LRGUK: variants seen among roughly 807,000 people sequenced by gnomAD.
LRGUK encodes leucine rich repeats and guanylate kinase domain containing, also known as leucine-rich repeat and guanylate kinase domain-containing protein.
A neutral mutation model predicts 76.0 loss-of-function variants in LRGUK; 65 were observed. That is an observed-to-expected ratio of 0.85 (90% confidence interval 0.70 to 1.05). LRGUK has a LOEUF of 1.05. Ranked by LOEUF, LRGUK falls within the 50% of genes least tolerant of loss-of-function variation. LRGUK has a pLI of 0.00. For synonymous variants in LRGUK, 268 were observed against 265.6 expected, an observed-to-expected ratio of 1.01 and a Z score of -0.09; for missense variants, 758 against 732.8, an observed-to-expected ratio of 1.03 and a Z score of -0.40.
Position 134,167,346 on chromosome 7 carries a change from G to A in LRGUK, c.939+3806G>A, listed in dbSNP as rs555847633. Reference sequence around the variant, plus strand: ...ACAATTTTTGAACTCTCAGACCAAGGTGAATGTGACTTTCCCCTTTGCCCC... The same window carrying A: ...ACAATTTTTGAACTCTCAGACCAAGATGAATGTGACTTTCCCCTTTGCCCC... On this transcript the variant is annotated intron_variant, in intron 7 of 15. Transcript: ENST00000645682. 2.0e-5 allele frequency among the ~76,000 whole-genome samples: 3 copies of A among 152,278 alleles called. No individual in the cohort carries two copies. The South Asian group carries it at 6.2e-4, about 32-fold the overall frequency.
intron 18 of LRGUK, among the ~76,000 whole-genome samples, chr7:134,250,281 A>T (rs951350446): frequency 1.3e-5 from 2 of 152,180 alleles, no homozygotes; most frequent in African/African-American, 4.8e-5. Context: ...ATCCTAAAAA[A>T]CTATTAAAAA....
chr7:134,255,219 CTCA>C (rs1802545506), intron 18 of LRGUK, among the ~76,000 whole-genome samples: 1 of 125,718 alleles, frequency 8.0e-6, no homozygotes, highest in African/African-American at 3.1e-5. Flanking sequence ...CATATGTTAT[CTCA>C]ACACACACAC....
chr7:134,200,936 G>T (rs2117090059), intron 14 of LRGUK, among the ~76,000 whole-genome samples: 1 of 152,254 alleles, frequency 6.6e-6, no homozygotes, highest in South Asian at 2.1e-4. Context: ...TGGCAGGATG[G>T]AGTTTCTTTT....
At chr7:134,188,472 G>C (rs930392919) in intron 11 of LRGUK, among the ~76,000 whole-genome samples, 5 of 152,114 alleles carry the variant, frequency 3.3e-5, no homozygotes, top group African/African-American at 1.2e-4. Context: ...CTTAGGGAAG[G>C]AAGTCTGGAG....
chr7:134,146,301 C>A (rs1280938722), intron 4 of LRGUK, among the ~76,000 whole-genome samples: 3 of 151,842 alleles, frequency 2.0e-5, no homozygotes, highest in Non-Finnish European at 2.9e-5. Context: ...AATACCATAG[C>A]TACATAGAGA....
At chr7:134,216,682 C>T (rs1313524973) in intron 15 of LRGUK, among the ~76,000 whole-genome samples, 1 of 152,122 alleles carries the variant, frequency 6.6e-6, no homozygotes, top group Non-Finnish European at 1.5e-5. Context: ...GCTGTCAAGT[C>T]ACTTGTCCAG....
chr7:134,261,327 T>C (rs1802721939), intron 19 of LRGUK, among the ~76,000 whole-genome samples: 1 of 152,172 alleles, frequency 6.6e-6, no homozygotes, highest in Non-Finnish European at 1.5e-5. Flanking sequence ...TTTGTTTTCA[T>C]CTTTTTATCA....
At chr7:134,268,691 C>A (rs540213989), downstream of LRGUK, among the ~76,000 whole-genome samples, 1 of 144,826 alleles carries the variant, frequency 6.9e-6, no homozygotes, top group Non-Finnish European at 1.5e-5. Context: ...AACTACAAAC[C>A]AATATCACTT....
At chr7:134,171,409 A>G (rs76842356) in intron 7 of LRGUK, among the ~76,000 whole-genome samples, 15,474 of 151,596 alleles carry the variant, frequency 0.1, 1,556 homozygotes, top group East Asian at 0.38. Flanking sequence ...ATGTGTGTAT[A>G]TATAACATAT....
chr7:134,255,222 A>AAC (rs66632170), intron 18 of LRGUK, among the ~76,000 whole-genome samples: 4,742 of 143,080 alleles, frequency 0.033, 89 homozygotes, highest in Middle Eastern at 0.09. Context: ...ATGTTATCTC[A>AAC]ACACACACAC....
chr7:134,217,926 A>T (rs867394053), intron 15 of LRGUK, among the ~76,000 whole-genome samples: 1 of 150,942 alleles, frequency 6.6e-6, no homozygotes, highest in Non-Finnish European at 1.5e-5. Flanking sequence ...TCCTTTGTTT[A>T]AAAAAAAACC....
intron 19 of LRGUK, among the ~76,000 whole-genome samples, chr7:134,259,078 G>C (rs1239544082): frequency 6.6e-6 from 1 of 152,126 alleles, no homozygotes. Flanking sequence ...TTGAGTTGCA[G>C]TCCAGTCTTC....
In LRGUK at chr7:134,258,282, A is replaced by T. The variant is rs1563202546; in HGVS notation, c.2224A>T (p.Lys742Ter). 1 of 1,614,086 alleles carries T rather than the reference A, an allele frequency of 6.2e-7. No homozygotes were observed. The highest frequency in any genetic ancestry group is 8.5e-7 in the Non-Finnish European group (1 of 1,179,986). ...TGGGAAGGATTCCTTGGTTTCCATG[A>T]AATGTTCATTGTTTCGGTTCTGTCC... The change falls in exon 19 of 20, where the codon AAA becomes TAA. Residue 742 changes from lysine (K) to a stop codon, truncating the protein, a stop_gained. Coordinates refer to the LRGUK transcript ENST00000285928. LOFTEE classifies it high-confidence loss of function.
At chr7:134,235,496 C>A (rs1801992203) in intron 16 of LRGUK, among the ~76,000 whole-genome samples, 3 of 152,216 alleles carry the variant, frequency 2.0e-5, no homozygotes, top group African/African-American at 7.2e-5. Flanking sequence ...ATCTCCTACT[C>A]TGTGTCCTTC....
At chr7:134,247,419 T>C in intron 16 of LRGUK, 137 bp from the exon 17 acceptor site, 1 of 544,284 alleles carries the variant, frequency 1.8e-6, no homozygotes, top group Non-Finnish European at 3.2e-6. Context: ...TGAATATCAA[T>C]TGTTTTTTAT....
intron 15 of LRGUK, among the ~76,000 whole-genome samples, chr7:134,206,619 T>C (rs1261644370): frequency 6.6e-6 from 1 of 151,712 alleles, no homozygotes; most frequent in East Asian, 1.9e-4. Context: ...TTATTTTCCC[T>C]ATTGTAATGT....
chr7:134,149,119 A>AC (rs1329393879), intron 5 of LRGUK, among the ~76,000 whole-genome samples: 3 of 151,354 alleles, frequency 2.0e-5, no homozygotes, highest in South Asian at 2.1e-4. Context: ...AAAAAAAAAA[A>AC]AAAACAACTT....
intron 18 of LRGUK, among the ~76,000 whole-genome samples, chr7:134,254,302 A>G (rs1802519922): frequency 1.3e-5 from 2 of 152,170 alleles, no homozygotes; most frequent in African/African-American, 4.8e-5. Context: ...ATCCTAAATA[A>G]TATATTTACT....
intron 16 of LRGUK, among the ~76,000 whole-genome samples, chr7:134,224,629 A>T (rs1801688541): frequency 6.6e-6 from 1 of 152,198 alleles, no homozygotes; most frequent in African/African-American, 2.4e-5. Flanking sequence ...AATAGTCTGT[A>T]CAACAAACCC....
Sources: gnomAD v4.1 joint callset for allele counts (sites outside exome capture counted in the v4.1 genomes callset) on GRCh38, gnomAD v4.1.1 for gene constraint, MANE v1.5 for transcripts, NCBI Gene and HGNC (gene_info 2026-07-23, HGNC 2026-07-21) for gene names.